DLGAP1: variants seen among roughly 807,000 people sequenced by gnomAD.
DLGAP1 encodes DLG associated protein 1.
A neutral mutation model predicts 90.8 loss-of-function variants in DLGAP1; 11 were observed. The observed-to-expected ratio is 0.12, with a 90% CI of 0.08 to 0.20. The LOEUF (loss-of-function observed/expected upper bound fraction) is 0.20. DLGAP1 is among the 10% of genes least tolerant of loss of function. The probability of loss-of-function intolerance (pLI) is 1.00; values close to 1 mark genes in which losing one functional copy is unlikely to be tolerated. For synonymous variants in DLGAP1, 558 were observed against 540.7 expected, an observed-to-expected ratio of 1.03 and a Z score of -0.44; for missense variants, 1,050 against 1,333.8, an observed-to-expected ratio of 0.79 and a Z score of 3.31.
At chr18:3,826,676 C>A (rs934277297) in intron 4 of DLGAP1, among the ~76,000 whole-genome samples, 3 of 152,066 alleles carry the variant, frequency 2.0e-5, no homozygotes, top group Non-Finnish European at 4.4e-5. Context: ...TTTCAGGAGG[C>A]TTTACAGGCT....
At chr18:3,847,602 T>C (rs1647535640) in intron 4 of DLGAP1, among the ~76,000 whole-genome samples, 1 of 151,960 alleles carries the variant, frequency 6.6e-6, no homozygotes, top group Non-Finnish European at 1.5e-5. Flanking sequence ...GGGCAGGCAA[T>C]TCAGGGGAAG....
At chr18:3,645,755 C>G (rs919574728) in intron 7 of DLGAP1, among the ~76,000 whole-genome samples, 1 of 152,200 alleles carries the variant, frequency 6.6e-6, no homozygotes, top group Non-Finnish European at 1.5e-5. Flanking sequence ...GCTGCCTTCT[C>G]TAGATAGAAG....
intron 2 of DLGAP1, among the ~76,000 whole-genome samples, chr18:4,140,452 T>G (rs2076476952): frequency 6.6e-6 from 1 of 151,992 alleles, no homozygotes; most frequent in Non-Finnish European, 1.5e-5. Flanking sequence ...TTAAATTTTC[T>G]TGTTTCTATT....
In DLGAP1 at chr18:4,084,768, C is replaced by A. The variant is rs1175540352; in HGVS notation, c.-159+66412G>T. 2.0e-5 allele frequency among the ~76,000 whole-genome samples: 3 copies of A among 152,184 alleles called. No individual in the cohort carries two copies. Among genetic ancestry groups the A allele is most frequent in the Non-Finnish European group, 4.4e-5 (3 of 68,032 alleles). ...TCCTGATAAAGACTCCCATGTCATG[C>A]AACACTTATTAAATATATTAGCATG... On this transcript the variant is annotated intron_variant, in intron 2 of 12. Transcript: ENST00000315677. This position sits in a 1 kb window ranked among gnomAD's most constrained non-coding sequence, Gnocchi z 4.0.
intron 1 of DLGAP1, among the ~76,000 whole-genome samples, chr18:4,344,801 C>T (rs1265247511): frequency 1.3e-5 from 2 of 152,108 alleles, no homozygotes; most frequent in East Asian, 1.9e-4. Context: ...TGTTATGACC[C>T]GGGGCATTTA....
chr18:3,588,499 C>T lies in DLGAP1; in HGVS notation c.1592-6251G>A, dbSNP rs140428157. Among the ~76,000 whole-genome samples the T allele has an allele frequency of 2.2e-4, 33 of 150,492 alleles. 1 individual carries two copies. In the East Asian group the frequency reaches 5.1e-3, roughly 23 times the overall value. On this transcript the variant is annotated intron_variant, in intron 7 of 12. Transcript: ENST00000315677. Reference sequence around the variant, plus strand: ...TTATATTTTTAAGAAAGACATTATACGGCAGAGTGCGGTGGCTCGCTCCTG... The same window carrying T: ...TTATATTTTTAAGAAAGACATTATATGGCAGAGTGCGGTGGCTCGCTCCTG...
rs2073888485 is a variant in DLGAP1 at position 3,988,542 on chromosome 18, C to G, written c.-73+16574G>C. Reference sequence around the variant, plus strand: ...CATAAGGAGCGGGCAACCTAGATCCCTTGCATGCACAGTTCACAATAGGGT... The same window carrying G: ...CATAAGGAGCGGGCAACCTAGATCCGTTGCATGCACAGTTCACAATAGGGT... On this transcript the variant is annotated intron_variant, in intron 3 of 12. Transcript: ENST00000315677. Among the ~76,000 whole-genome samples the G allele has an allele frequency of 2.0e-5, 3 of 152,144 alleles. No homozygotes were observed. In the South Asian group the frequency reaches 6.2e-4, roughly 31 times the overall value.
chr18:4,031,682 T>C (rs2074799153), intron 2 of DLGAP1, among the ~76,000 whole-genome samples: 1 of 152,058 alleles, frequency 6.6e-6, no homozygotes, highest in South Asian at 2.1e-4. Flanking sequence ...GGAGGATGAG[T>C]CTTTGAGGGA....
chr18:3,522,389 A>G (rs2051263392), intron 10 of DLGAP1, among the ~76,000 whole-genome samples: 1 of 151,454 alleles, frequency 6.6e-6, no homozygotes, highest in African/African-American at 2.4e-5. Context: ...TGCCCACCTC[A>G]GCCTCTCAAA....
At chr18:3,512,190 C>A (rs1008356110) in intron 10 of DLGAP1, among the ~76,000 whole-genome samples, 1 of 152,114 alleles carries the variant, frequency 6.6e-6, no homozygotes, top group Non-Finnish European at 1.5e-5. Context: ...CCAGGCAAGC[C>A]GTTTAACCAT....
chr18:4,338,414 T>G (rs1255925486), intron 1 of DLGAP1, among the ~76,000 whole-genome samples: 1 of 152,162 alleles, frequency 6.6e-6, no homozygotes, highest in Admixed American at 6.5e-5. Context: ...CAAGTGTCAA[T>G]AGTTGGGAAA....
intron 2 of DLGAP1, among the ~76,000 whole-genome samples, chr18:4,090,043 T>TA (rs926141060): frequency 3.6e-4 from 54 of 150,638 alleles, no homozygotes; most frequent in Admixed American, 6.0e-4. Flanking sequence ...GGACTCCGTC[T>TA]AAAAAAAAAG....
chr18:3,656,472 T>C (rs867793590), intron 7 of DLGAP1, among the ~76,000 whole-genome samples: 1 of 152,202 alleles, frequency 6.6e-6, no homozygotes, highest in African/African-American at 2.4e-5. Context: ...GGACCAGCAC[T>C]TCCTCTTTGA....
intron 3 of DLGAP1, among the ~76,000 whole-genome samples, chr18:3,993,836 C>T (rs1449608701): frequency 6.6e-6 from 1 of 151,982 alleles, no homozygotes; most frequent in Non-Finnish European, 1.5e-5. Flanking sequence ...GCTTAAGACC[C>T]ACTTAAAAGC....
chr18:4,144,670 A>C (rs2076555536), intron 2 of DLGAP1, among the ~76,000 whole-genome samples: 1 of 152,178 alleles, frequency 6.6e-6, no homozygotes, highest in South Asian at 2.1e-4. Flanking sequence ...GGAGGCATCT[A>C]TCCAGCTATC....
At chr18:3,910,416 G>C (rs536288495) in intron 3 of DLGAP1, among the ~76,000 whole-genome samples, 1 of 152,264 alleles carries the variant, frequency 6.6e-6, no homozygotes, top group Admixed American at 6.5e-5. Context: ...CATGGAGAGT[G>C]ATGTCTGGAT....
At chr18:4,012,117 CCTAA>C (rs1222274388) in intron 2 of DLGAP1, among the ~76,000 whole-genome samples, 1 of 152,284 alleles carries the variant, frequency 6.6e-6, no homozygotes, top group East Asian at 1.9e-4. Flanking sequence ...ACCAAAACCT[CCTAA>C]CTGCTTCCAG....
At chr18:4,297,756 CTCTCAA>C (rs1166806120) in intron 1 of DLGAP1, among the ~76,000 whole-genome samples, 1 of 152,114 alleles carries the variant, frequency 6.6e-6, no homozygotes, top group Non-Finnish European at 1.5e-5. Flanking sequence ...TCCTCTCTCT[CTCTCAA>C]TCTCTCTCTC....
In DLGAP1 at chr18:4,302,365, T is replaced by C. The variant is rs141124955; in HGVS notation, c.-266-151078A>G. On this transcript the variant is annotated intron_variant, in intron 1 of 12. Coordinates refer to ENST00000315677, the MANE Select transcript of DLGAP1 (RefSeq NM_004746.4). Reference sequence around the variant, plus strand: ...CCAATTTCATTGTTCTGCATGTGGATATACAGTTTTCCTGACATCATTTAT... The same window carrying C: ...CCAATTTCATTGTTCTGCATGTGGACATACAGTTTTCCTGACATCATTTAT... Among the ~76,000 whole-genome samples the C allele has an allele frequency of 6.1e-3, 935 of 152,324 alleles. 3 individuals carry two copies. The highest frequency in any genetic ancestry group is 0.02 in the Middle Eastern group (6 of 294).
Sources: allele counts gnomAD v4.1 joint callset (sites outside exome capture counted in the v4.1 genomes callset), GRCh38; gene constraint gnomAD v4.1.1; non-coding constraint Gnocchi (gnomAD v3.1); transcripts MANE v1.5; gene names NCBI Gene and HGNC (gene_info 2026-07-23, HGNC 2026-07-21).